Variants in COL5A3 observed in about 807,000 individuals in gnomAD.
COL5A3 encodes the protein collagen alpha-3(V) chain.
COL5A3 carries 172 observed loss-of-function variants against 250.0 expected under a neutral mutation model. The observed-to-expected ratio is 0.69, with a 90% CI of 0.61 to 0.78. The LOEUF (loss-of-function observed/expected upper bound fraction) is 0.78. COL5A3 is among the 30% of genes least tolerant of loss of function. COL5A3 has a pLI of 0.00. For synonymous variants in COL5A3, 937 were observed against 900.4 expected, an observed-to-expected ratio of 1.04 and a Z score of -0.73; for missense variants, 2,340 against 2,334.4, an observed-to-expected ratio of 1.00 and a Z score of -0.05.
In COL5A3 at chr19:9,997,077, CAG is replaced by C. The variant is rs545371062; in HGVS notation, c.1263+292_1263+293del. The C allele has an allele frequency of 1.4e-4, 78 of 549,104 alleles. No homozygotes were observed. The African/African-American group carries it at 1.4e-3, about 10-fold the overall frequency. The allele number at this position is 549,104 out of a possible 1,614,324, so 34.0% of individuals were successfully genotyped here. ...ACGGAGGGAGAGGGACAGAGACCAACAGAGAGAGACAGAAGAGAGACAGAGAC... is the reference window on the plus strand; with the variant it reads ...ACGGAGGGAGAGGGACAGAGACCAACAGAGAGACAGAAGAGAGACAGAGAC... On this transcript the variant is annotated intron_variant, in intron 11 of 66. Coordinates refer to ENST00000264828, the MANE Select transcript of COL5A3 (RefSeq NM_015719.4).
At chr19:9,964,197 G>A (rs2086707971) in intron 64 of COL5A3, among the ~76,000 whole-genome samples, 1 of 151,944 alleles carries the variant, frequency 6.6e-6, no homozygotes, top group Non-Finnish European at 1.5e-5. Flanking sequence ...ATATGGGGCT[G>A]GGCACAGTGG....
Position 9,968,810 on chromosome 19 carries a change from G to A in COL5A3, c.4153-82C>T, listed in dbSNP as rs1340032335. The stretch of plus-strand genomic sequence containing the variant: ...TGGGTGGTTAGGGGATGGTCAAATG[G>A]GAAATTATGCAGATTTCAAATGGGA... On this transcript the variant is annotated intron_variant, in intron 57 of 66. Transcript: ENST00000264828. This position sits in a 1 kb window ranked among gnomAD's most constrained non-coding sequence, Gnocchi z 4.1. The A allele has an allele frequency of 2.5e-6, 3 of 1,210,852 alleles. No homozygotes were observed. Among genetic ancestry groups the A allele is most frequent in the East Asian group, 2.5e-5 (1 of 40,782 alleles). The allele number at this position is 1,210,852 out of a possible 1,614,324, so 75.0% of individuals were successfully genotyped here. A position where few individuals can be genotyped will look rare whatever the true frequency, so the allele number is the denominator to read the frequency against.
At position 9,968,785 on chromosome 19, in the gene COL5A3, TG is replaced by T; in HGVS notation, c.4153-58del. On this transcript the variant is annotated intron_variant, in intron 57 of 66. Transcript: ENST00000264828. This position sits in a 1 kb window ranked among gnomAD's most constrained non-coding sequence, Gnocchi z 4.1. The stretch of plus-strand genomic sequence containing the variant: ...CTCAAATGTGAACTCGAGGTCTGTG[TG>T]GGTGGTTAGGGGATGGTCAAATGGG... 1 of 1,491,520 alleles carries T rather than the reference TG, an allele frequency of 6.7e-7. No individual in the cohort carries two copies. The highest frequency in any genetic ancestry group is 9.2e-7 in the Non-Finnish European group (1 of 1,083,836). 92.4% of individuals were successfully genotyped at this position (1,491,520 alleles called of 1,614,324 possible).
rs565414975 is a variant in COL5A3, at chr19:9,968,303, G to A, written c.4314+82C>T. 255 of 1,232,592 alleles carry A rather than the reference G, an allele frequency of 2.1e-4. 1 individual carries two copies. Among genetic ancestry groups the A allele is most frequent in the Non-Finnish European group, 2.7e-4 (229 of 862,724 alleles). The allele number at this position is 1,232,592 out of a possible 1,614,324, so 76.4% of individuals were successfully genotyped here. A position where few individuals can be genotyped will look rare whatever the true frequency, so the allele number is the denominator to read the frequency against. ...CACACCCTCATTAATCCAGACCCAC[G>A]TTTCCCAGACCCCACACCCACAGTC... On this transcript the variant is annotated intron_variant, in intron 59 of 66. Coordinates refer to ENST00000264828, the MANE Select transcript of COL5A3 (RefSeq NM_015719.4). The surrounding 1 kb of genome is among the most constrained non-coding windows in gnomAD (Gnocchi z 4.1).
rs776891070 is a variant in COL5A3, at chr19:9,973,962, C to T, written c.3515G>A (p.Gly1172Glu). 1 of 1,540,144 alleles carries T rather than the reference C, an allele frequency of 6.5e-7. No individual in the cohort carries two copies. The highest frequency in any genetic ancestry group is 8.7e-7 in the Non-Finnish European group (1 of 1,143,896). Reference protein sequence around the residue: ...VGDVGSMGPHGAPGPRGPQGP... With the variant: ...VGDVGSMGPHEAPGPRGPQGP... ...TTGGGGACCCCGAGGACCTGGAGCT[C>T]CATGGGGACCCTGTGGAAGGTCAGA... is the stretch of plus-strand genomic sequence containing the variant. Residue 1172 changes from glycine (G) to glutamate (E), a missense_variant, in exon 48 of 67, where the codon GGA (glycine) becomes GAA (glutamate). This residue lies in a region of COL5A3 where 1,179 missense variants were observed against 1,162.6 expected (regional missense o/e 1.01). Transcript: ENST00000264828.
intron 27 of COL5A3, among the ~76,000 whole-genome samples, chr19:9,988,444 A>G (rs1019444503): frequency 6.6e-6 from 1 of 152,112 alleles, no homozygotes; most frequent in Non-Finnish European, 1.5e-5. Context: ...TATGGATATG[A>G]ACTCTAATGC....
chr19:10,001,459 T>A (rs2087359447), intron 8 of COL5A3, 65 bp downstream of exon 8: 2 of 1,536,288 alleles, frequency 1.3e-6, no homozygotes, highest in African/African-American at 1.4e-5. Flanking sequence ...AATAAATAAA[T>A]TTTAAAAAAA....
Position 9,961,772 on chromosome 19 carries a change from A to G in COL5A3, c.4852-882T>C, listed in dbSNP as rs1010176522. ...ACGGGGTTTCACCATGTTAGCCAGG[A>G]TGGTCTCGATCTCCTGACCTCGTGA... On this transcript the variant is annotated intron_variant, in intron 65 of 66. Transcript: ENST00000264828. 5.9e-5 allele frequency among the ~76,000 whole-genome samples: 9 copies of G among 151,968 alleles called. No homozygotes were observed. The South Asian group carries it at 6.2e-4, about 11-fold the overall frequency.
At chr19:9,995,976 C>T (rs2087263495) in intron 15 of COL5A3, 90 bp downstream of exon 15, 17 of 1,265,124 alleles carry the variant, frequency 1.3e-5, no homozygotes, top group Non-Finnish European at 1.8e-5. Context: ...TCCCCAGCCC[C>T]TTTGGCACTT....
rs1056294559 is a variant in COL5A3, at chr19:9,965,079, A to G, written c.4782+1235T>C. Among the ~76,000 whole-genome samples, 11 of 151,226 alleles carry G rather than the reference A, an allele frequency of 7.3e-5. No homozygotes were observed. The East Asian group carries it at 1.9e-3, about 27-fold the overall frequency. On this transcript the variant is annotated intron_variant, in intron 64 of 66. Transcript: ENST00000264828. ...CACACAAAAACAAAACAGTTCACTG[A>G]TATTTGTTTTTGCATCAGTATCTGA...
chr19:9,997,955 T>C (rs2087295837), intron 10 of COL5A3, 29 bp downstream of exon 10: 4 of 1,613,458 alleles, frequency 2.5e-6, no homozygotes, highest in Non-Finnish European at 3.4e-6. Flanking sequence ...AGGGAAAGAC[T>C]GGAAGAAGGA....
Position 9,977,714 on chromosome 19 carries a change from G to T in COL5A3, c.3019-13C>A. ...CACCAGGGGAGCCCTGAGAACAGGGGTGATGAATCAGGTATAATACCAGTA... is the reference window on the plus strand; with the variant it reads ...CACCAGGGGAGCCCTGAGAACAGGGTTGATGAATCAGGTATAATACCAGTA... On this transcript the variant is annotated splice_polypyrimidine_tract_variant and intron_variant, in intron 41 of 66. Transcript: ENST00000264828. The T allele has an allele frequency of 6.4e-7, 1 of 1,552,826 alleles. No individual in the cohort carries two copies. Among genetic ancestry groups the T allele is most frequent in the Non-Finnish European group, 8.7e-7 (1 of 1,150,966 alleles).
chr19:9,983,600 G>GAGAA (rs1555737823), intron 31 of COL5A3, among the ~76,000 whole-genome samples: 3,190 of 76,854 alleles, frequency 0.042, 181 homozygotes, highest in South Asian at 0.069. Flanking sequence ...AAGAAAGAAA[G>GAGAA]AGAAAGAGAG....
rs1219193861 is a variant in COL5A3, at chr19:9,993,423, C to T, written c.1706G>A (p.Gly569Asp). The change falls in exon 19 of 67, where the codon GGC becomes GAC. Residue 569 changes from glycine to aspartate, a missense_variant. Around this residue, in one of 3 missense-constraint regions of COL5A3, gnomAD observed 1,152 missense variants for 1,146.3 expected, o/e 1.00. Coordinates refer to ENST00000264828, the MANE Select transcript of COL5A3 (RefSeq NM_015719.4). ...TGGGGGACCGGGTTGCCCCACATGG[C>T]CAAAGTCACCCTGGAGAGGGAACAG... ...PGEKGQRGDF[G>D]HVGQPGPPGE... 7 of 1,614,016 alleles carry T rather than the reference C, an allele frequency of 4.3e-6. No individual in the cohort carries two copies. Among genetic ancestry groups the T allele is most frequent in the African/African-American group, 1.3e-5 (1 of 74,910 alleles).
In COL5A3 at chr19:9,976,549, G is replaced by A. The variant is rs939521885; in HGVS notation, c.3342+9C>T. Reference sequence around the variant, plus strand: ...CCCAGAGAAGGACTGAAAAGATGGGGGCACTCACCGGGGGACCTGGGTGTC... The same window carrying A: ...CCCAGAGAAGGACTGAAAAGATGGGAGCACTCACCGGGGGACCTGGGTGTC... On this transcript the variant is annotated intron_variant, in intron 45 of 66. Transcript: ENST00000264828. The A allele has an allele frequency of 7.7e-6, 12 of 1,562,488 alleles. No individual in the cohort carries two copies. The African/African-American group carries it at 1.5e-4, about 20-fold the overall frequency.
intron 8 of COL5A3, among the ~76,000 whole-genome samples, chr19:10,000,258 G>A (rs2087339821): frequency 6.6e-6 from 1 of 151,854 alleles, no homozygotes; most frequent in Admixed American, 6.6e-5. Flanking sequence ...TCAAGCCACC[G>A]AGCTTGGGTT....
chr19:9,979,038 C>G, intron 39 of COL5A3, 58 bp from the exon 40 acceptor site: 1 of 1,483,374 alleles, frequency 6.7e-7, no homozygotes, highest in South Asian at 1.3e-5. Flanking sequence ...TCCCTCCAAT[C>G]TGTGACTCAG....
At chr19:10,002,752 G>C (rs988059446) in intron 6 of COL5A3, among the ~76,000 whole-genome samples, 1 of 151,992 alleles carries the variant, frequency 6.6e-6, no homozygotes, top group Admixed American at 6.6e-5. Context: ...CAACAAAAGC[G>C]TCCTAACCAA....
intron 64 of COL5A3, 88 bp from the exon 65 acceptor site, chr19:9,962,975 G>T (rs2086692951): frequency 2.1e-6 from 2 of 960,728 alleles, no homozygotes; most frequent in Admixed American, 2.1e-5. Flanking sequence ...ACAGTAGGCT[G>T]TTGTGACTAT....
Sources: allele counts gnomAD v4.1 joint callset (sites outside exome capture counted in the v4.1 genomes callset), GRCh38; gene constraint gnomAD v4.1.1; regional missense constraint gnomAD v4.1.1; non-coding constraint Gnocchi (gnomAD v3.1); transcripts MANE v1.5; gene names NCBI Gene and HGNC (gene_info 2026-07-23, HGNC 2026-07-21).